Variants in IQCJ observed in about 807,000 individuals in gnomAD.
IQCJ encodes IQ domain-containing protein J.
Under a neutral mutation model 11.0 loss-of-function variants are expected in IQCJ, and 9 were observed. The observed-to-expected ratio is 0.82, with a 90% CI of 0.49 to 1.43. IQCJ has a LOEUF of 1.43. Ranked by LOEUF, IQCJ falls within the 40% of genes most tolerant of loss-of-function variation. The probability of loss-of-function intolerance (pLI) is 0.00; values close to 1 mark genes in which losing one functional copy is unlikely to be tolerated. For synonymous variants in IQCJ, 55 were observed against 51.3 expected, an observed-to-expected ratio of 1.07 and a Z score of -0.31; for missense variants, 146 against 133.2, an observed-to-expected ratio of 1.10 and a Z score of -0.47.
At position 159,260,295 on chromosome 3, in the gene IQCJ, C is replaced by G. The variant is rs1728126067; in HGVS notation, c.156-2253C>G. On this transcript the variant is annotated intron_variant, in intron 3 of 3. Coordinates refer to ENST00000397832, the MANE Select transcript of IQCJ (RefSeq NM_001042706.3). Reference sequence around the variant, plus strand: ...AGCTAAAATGTAGTATCTCAAATGGCCACTATATTTTGTTTTTGTATGTTC... The same window carrying G: ...AGCTAAAATGTAGTATCTCAAATGGGCACTATATTTTGTTTTTGTATGTTC... Among the ~76,000 whole-genome samples, 5 of 152,162 alleles carry G rather than the reference C, an allele frequency of 3.3e-5. No homozygotes were observed. The South Asian group carries it at 1.0e-3, about 32-fold the overall frequency.
At chr3:159,213,192 C>T (rs1039097812) in intron 1 of IQCJ, among the ~76,000 whole-genome samples, 4 of 152,192 alleles carry the variant, frequency 2.6e-5, no homozygotes, top group African/African-American at 7.2e-5. Flanking sequence ...TTGTGGACAG[C>T]ATCAAGTTTG....
At chr3:159,107,947 C>G (rs148603570) in intron 1 of IQCJ, among the ~76,000 whole-genome samples, 2 of 137,324 alleles carry the variant, frequency 1.5e-5, no homozygotes, top group South Asian at 4.5e-4. Flanking sequence ...CTCCTGCTTG[C>G]AGGCTTCCTT....
chr3:159,096,258 G>C (rs1273489569), intron 1 of IQCJ, among the ~76,000 whole-genome samples: 15 of 147,758 alleles, frequency 1.0e-4, no homozygotes, highest in Non-Finnish European at 2.1e-4. Flanking sequence ...GTAGATTCTG[G>C]ATATTAGCCC....
intron 1 of IQCJ, among the ~76,000 whole-genome samples, chr3:159,225,225 C>CTAT (rs1725785691): frequency 6.6e-6 from 1 of 152,138 alleles, no homozygotes; most frequent in Admixed American, 6.5e-5. Flanking sequence ...AAAAAAGGTA[C>CTAT]TATTCATACA....
intron 1 of IQCJ, among the ~76,000 whole-genome samples, chr3:159,171,255 T>C (rs1482131691): frequency 6.6e-6 from 1 of 152,234 alleles, no homozygotes; most frequent in Non-Finnish European, 1.5e-5. Context: ...ACATCAGTGT[T>C]ATCGATGTAC....
At chr3:159,217,936 G>C (rs866570613) in intron 1 of IQCJ, among the ~76,000 whole-genome samples, 1 of 152,062 alleles carries the variant, frequency 6.6e-6, no homozygotes, top group African/African-American at 2.4e-5. Flanking sequence ...CCACTAGAAA[G>C]AAAGCTCCTT....
intron 2 of IQCJ, among the ~76,000 whole-genome samples, chr3:159,247,012 G>A (rs925813975): frequency 1.3e-5 from 2 of 152,160 alleles, no homozygotes; most frequent in Non-Finnish European, 2.9e-5. Flanking sequence ...CTCATTATAA[G>A]GAGCACAGCC....
At chr3:159,101,074 C>T (rs1254563921) in intron 1 of IQCJ, among the ~76,000 whole-genome samples, 7 of 99,658 alleles carry the variant, frequency 7.0e-5, no homozygotes, top group Admixed American at 4.1e-4. Context: ...TCTCGTGGTG[C>T]GCCGTTTCTT....
chr3:159,220,245 C>T (rs1005118236), intron 1 of IQCJ, among the ~76,000 whole-genome samples: 1 of 152,110 alleles, frequency 6.6e-6, no homozygotes, highest in African/African-American at 2.4e-5. Flanking sequence ...AATTGTGTCC[C>T]TGCCACCCCC....
chr3:159,194,917 C>T (rs904895928), intron 1 of IQCJ, among the ~76,000 whole-genome samples: 7 of 151,868 alleles, frequency 4.6e-5, no homozygotes, highest in African/African-American at 1.7e-4. Context: ...TTGAGACCAG[C>T]CTGGCCAACA....
chr3:159,216,271 G>T (rs1725229607), intron 1 of IQCJ, among the ~76,000 whole-genome samples: 1 of 151,960 alleles, frequency 6.6e-6, no homozygotes, highest in Non-Finnish European at 1.5e-5. Context: ...TTTTTAAATT[G>T]TCTGTCAACC....
intron 1 of IQCJ, among the ~76,000 whole-genome samples, chr3:159,167,030 T>C (rs1302620226): frequency 1.3e-5 from 2 of 152,352 alleles, no homozygotes; most frequent in East Asian, 1.9e-4. Context: ...ACTGGTGGAC[T>C]TGCATATACA....
In IQCJ at chr3:159,236,845, C is replaced by T. The variant is rs1256616487; in HGVS notation, c.10-8998C>T. Among the ~76,000 whole-genome samples the T allele has an allele frequency of 2.0e-5, 3 of 152,078 alleles. No homozygotes were observed. The South Asian group carries it at 6.2e-4, about 32-fold the overall frequency. The stretch of plus-strand genomic sequence containing the variant: ...CTTTTTTAGTGCCCTTATTACACTT[C>T]CATTAAAAAACGGATGGAGGGGAGC... On this transcript the variant is annotated intron_variant, in intron 1 of 3. Transcript: ENST00000397832.
chr3:159,194,886 G>T (rs931559743), intron 1 of IQCJ, among the ~76,000 whole-genome samples: 3 of 152,124 alleles, frequency 2.0e-5, no homozygotes, highest in Non-Finnish European at 2.9e-5. Context: ...GCCGAAGTGG[G>T]CAGACCATGA....
intron 1 of IQCJ, among the ~76,000 whole-genome samples, chr3:159,104,957 C>T (rs191636486): frequency 3.9e-5 from 6 of 152,322 alleles, no homozygotes; most frequent in Non-Finnish European, 8.8e-5. Flanking sequence ...CTGCCTTCCT[C>T]CGGGTTGAAT....
At chr3:159,204,752 T>C (rs1023629440) in intron 1 of IQCJ, among the ~76,000 whole-genome samples, 8 of 152,190 alleles carry the variant, frequency 5.3e-5, no homozygotes, top group African/African-American at 1.7e-4. Context: ...TAGGGCCAGG[T>C]CTTCAGGTAA....
At chr3:159,193,268 G>A (rs911528873) in intron 1 of IQCJ, among the ~76,000 whole-genome samples, 1 of 152,336 alleles carries the variant, frequency 6.6e-6, no homozygotes, top group African/African-American at 2.4e-5. Flanking sequence ...GTTACTAACA[G>A]TGATGATAGT....
chr3:159,259,537 T>C (rs1405869945), intron 3 of IQCJ, among the ~76,000 whole-genome samples: 1 of 152,176 alleles, frequency 6.6e-6, no homozygotes, highest in Non-Finnish European at 1.5e-5. Flanking sequence ...GATTGAGAGA[T>C]GAGGTGCTTC....
At chr3:159,156,272 T>C (rs1358447462) in intron 1 of IQCJ, among the ~76,000 whole-genome samples, 1 of 152,160 alleles carries the variant, frequency 6.6e-6, no homozygotes, top group Non-Finnish European at 1.5e-5. Context: ...TGAATATGTT[T>C]AGAAAGAGGT....
Sources: allele counts gnomAD v4.1 joint callset (sites outside exome capture counted in the v4.1 genomes callset), GRCh38; gene constraint gnomAD v4.1.1; transcripts MANE v1.5; gene names NCBI Gene and HGNC (gene_info 2026-07-23, HGNC 2026-07-21).